Variants in NOL4 observed in about 807,000 individuals in gnomAD.
NOL4 encodes the protein nucleolar protein 4, also known as cancer/testis antigen 125.
A neutral mutation model predicts 75.9 loss-of-function variants in NOL4; 17 were observed. The ratio of observed to expected loss-of-function variants is 0.22; its 90% CI spans 0.15 to 0.34. The LOEUF (loss-of-function observed/expected upper bound fraction) is 0.34, where lower values mean the gene tolerates loss of function less well. NOL4 is among the 10% of genes least tolerant of loss of function. The pLI is 1.00. For missense variants in NOL4, 614 were observed against 793.5 expected (o/e 0.77, Z 2.72); for synonymous variants, 292 against 289.9 (o/e 1.01, Z -0.07).
At chr18:33,918,500 T>C (rs1212439599) in intron 9 of NOL4, among the ~76,000 whole-genome samples, 1 of 152,146 alleles carries the variant, frequency 6.6e-6, no homozygotes, top group Non-Finnish European at 1.5e-5. Context: ...CATGCTAAGA[T>C]CTAGAAAAGG....
chr18:33,858,253 T>C (rs901379042), intron 10 of NOL4, among the ~76,000 whole-genome samples: 3 of 152,056 alleles, frequency 2.0e-5, no homozygotes, highest in Non-Finnish European at 2.9e-5. Context: ...TATCAGTAAA[T>C]GAAGTGATTT....
intron 10 of NOL4, among the ~76,000 whole-genome samples, chr18:33,858,619 T>C (rs2062942635): frequency 6.6e-6 from 1 of 152,086 alleles, no homozygotes; most frequent in Non-Finnish European, 1.5e-5. Flanking sequence ...ACAAGTCTGA[T>C]TACACTATAA....
chr18:34,126,133 T>C (rs1035830029), intron 2 of NOL4, among the ~76,000 whole-genome samples: 1 of 152,152 alleles, frequency 6.6e-6, no homozygotes. Flanking sequence ...GAGTAGTGAT[T>C]GGACAAAGAA....
intron 6 of NOL4, among the ~76,000 whole-genome samples, chr18:33,962,683 A>C (rs1323844189): frequency 1.3e-5 from 2 of 152,200 alleles, no homozygotes; most frequent in African/African-American, 4.8e-5. Flanking sequence ...CTAATAAAAT[A>C]TATTAAGGAA....
chr18:34,199,454 C>T (rs958330337), intron 1 of NOL4, among the ~76,000 whole-genome samples: 1 of 151,818 alleles, frequency 6.6e-6, no homozygotes, highest in African/African-American at 2.4e-5. Flanking sequence ...CCCCCACACA[C>T]AAATACACAC....
intron 1 of NOL4, among the ~76,000 whole-genome samples, chr18:34,204,762 GA>G (rs1438437969): frequency 1.3e-5 from 2 of 151,932 alleles, no homozygotes; most frequent in Admixed American, 1.3e-4. Context: ...AATTATATAA[GA>G]AAAAGGTGAC....
chr18:33,883,789 A>C (rs1432030920), intron 9 of NOL4, among the ~76,000 whole-genome samples: 2 of 152,164 alleles, frequency 1.3e-5, no homozygotes, highest in Non-Finnish European at 2.9e-5. Context: ...TTCAAAATGA[A>C]AGAAACCCTG....
chr18:34,150,232 T>C (rs1386661738), intron 1 of NOL4, among the ~76,000 whole-genome samples: 3 of 151,696 alleles, frequency 2.0e-5, no homozygotes, highest in African/African-American at 7.2e-5. Flanking sequence ...ATGTTGAGAA[T>C]AGTGCCCTCA....
At chr18:34,210,443 A>G (rs2036436841) in intron 1 of NOL4, among the ~76,000 whole-genome samples, 1 of 152,222 alleles carries the variant, frequency 6.6e-6, no homozygotes, top group Non-Finnish European at 1.5e-5. Context: ...ATATATTTAA[A>G]TCACATAATT....
intron 6 of NOL4, among the ~76,000 whole-genome samples, chr18:33,972,496 C>G (rs1408665975): frequency 6.6e-6 from 1 of 151,976 alleles, no homozygotes; most frequent in African/African-American, 2.4e-5. Flanking sequence ...AAGTTGGAAC[C>G]CTTGCGCACT....
At chr18:34,150,130 G>T (rs368777627) in intron 1 of NOL4, among the ~76,000 whole-genome samples, 1 of 151,376 alleles carries the variant, frequency 6.6e-6, no homozygotes. Flanking sequence ...ATTGAATTTT[G>T]CCCAGAATTT....
intron 5 of NOL4, among the ~76,000 whole-genome samples, chr18:34,091,973 C>T (rs2078542642): frequency 6.6e-6 from 1 of 152,102 alleles, no homozygotes; most frequent in African/African-American, 2.4e-5. Context: ...AGACCTGCAG[C>T]TTGCAACTTC....
chr18:34,198,747 C>T (rs1188889942), intron 1 of NOL4, among the ~76,000 whole-genome samples: 1 of 151,732 alleles, frequency 6.6e-6, no homozygotes, highest in Non-Finnish European at 1.5e-5. Flanking sequence ...TCAAACCAAA[C>T]AAGAATTGAA....
chr18:34,189,415 A>G (rs1445421760), intron 1 of NOL4, among the ~76,000 whole-genome samples: 1 of 152,156 alleles, frequency 6.6e-6, no homozygotes, highest in Non-Finnish European at 1.5e-5. Flanking sequence ...CTGGGGACCA[A>G]ATTTCCAACA....
intron 9 of NOL4, among the ~76,000 whole-genome samples, chr18:33,904,404 GA>G: frequency 6.6e-6 from 1 of 151,832 alleles, no homozygotes; most frequent in East Asian, 1.9e-4. Context: ...GGGAGCCCCA[GA>G]AAAAAACCTT....
chr18:33,900,633 G>A lies in NOL4; in HGVS notation c.1543-17209C>T, dbSNP rs114934051. 5.5e-3 allele frequency among the ~76,000 whole-genome samples: 839 copies of A among 152,116 alleles called. 12 individuals are homozygous for A. Among genetic ancestry groups the A allele is most frequent in the African/African-American group, 0.019 (789 of 41,520 alleles). On this transcript the variant is annotated intron_variant, in intron 9 of 10. Transcript: ENST00000261592. Reference sequence around the variant, plus strand: ...ACGGAAGGAAAAAAAGATAAAACAGGTTTTTAAAAAAATTAAACTGCCATG... The same window carrying A: ...ACGGAAGGAAAAAAAGATAAAACAGATTTTTAAAAAAATTAAACTGCCATG...
chr18:34,103,062 GA>G (rs2145658455), intron 4 of NOL4, among the ~76,000 whole-genome samples: 1 of 152,046 alleles, frequency 6.6e-6, no homozygotes, highest in African/African-American at 2.4e-5. Context: ...CTAAAAACTT[GA>G]TTTGAGTTTT....
intron 2 of NOL4, among the ~76,000 whole-genome samples, chr18:34,126,368 C>T (rs1328576548): frequency 6.6e-6 from 1 of 152,112 alleles, no homozygotes; most frequent in African/African-American, 2.4e-5. Context: ...CATATGTTCT[C>T]CACTCCTGAC....
intron 10 of NOL4, among the ~76,000 whole-genome samples, chr18:33,876,958 T>A (rs1007560298): frequency 6.6e-6 from 1 of 152,092 alleles, no homozygotes; most frequent in African/African-American, 2.4e-5. Context: ...AAATATACAC[T>A]AGACAAATTC....
Sources: gnomAD v4.1 joint callset for allele counts (sites outside exome capture counted in the v4.1 genomes callset) on GRCh38, gnomAD v4.1.1 for gene constraint, MANE v1.5 for transcripts, NCBI Gene and HGNC (gene_info 2026-07-23, HGNC 2026-07-21) for gene names.